The following ACVR1C variants were observed in gnomAD, a reference collection of about 807,000 sequenced individuals.
ACVR1C encodes activin A receptor type 1C, also known as activin receptor type-1C.
In ACVR1C, 23 loss-of-function variants were observed where a neutral mutation model predicts 57.9. The observed-to-expected ratio is 0.40, with a 90% CI of 0.29 to 0.56. The LOEUF is 0.56. ACVR1C is among the 20% of genes least tolerant of loss of function. The pLI, the probability that ACVR1C is intolerant of heterozygous loss-of-function variation, is 0.50. For missense variants in ACVR1C, 480 were observed against 607.9 expected (o/e 0.79, Z 2.21); for synonymous variants, 214 against 215.3 (o/e 0.99, Z 0.05).
chr2:157,621,235 T>C lies in ACVR1C; in HGVS notation c.73+7337A>G, dbSNP rs1682763679. Among the ~76,000 whole-genome samples the C allele has an allele frequency of 2.0e-5, 3 of 152,172 alleles. No individual in the cohort carries two copies. The East Asian group carries it at 5.8e-4, about 29-fold the overall frequency. On this transcript the variant is annotated intron_variant, in intron 1 of 8. Coordinates refer to ENST00000243349, the MANE Select transcript of ACVR1C (RefSeq NM_145259.3). Reference sequence around the variant, plus strand: ...AAAGACAGAAGAGAACAACAGAAAGTAGAAGCTATTCTAGAGGAAAAAAAG... The same window carrying C: ...AAAGACAGAAGAGAACAACAGAAAGCAGAAGCTATTCTAGAGGAAAAAAAG...
At chr2:157,596,187 GAA>G (rs1260403249) in intron 1 of ACVR1C, among the ~76,000 whole-genome samples, 11 of 152,182 alleles carry the variant, frequency 7.2e-5, no homozygotes, top group Non-Finnish European at 2.9e-5. Flanking sequence ...TTCTCAATTT[GAA>G]AGAGGTTTTT....
intron 1 of ACVR1C, among the ~76,000 whole-genome samples, chr2:157,622,514 GA>G (rs917115167): frequency 6.6e-5 from 10 of 152,176 alleles, no homozygotes; most frequent in Non-Finnish European, 1.5e-4. Flanking sequence ...ATACACTGGG[GA>G]AAGGATAGTC....
At chr2:157,542,999 C>G in intron 5 of ACVR1C, 137 bp from the exon 6 acceptor site, 2 of 789,368 alleles carry the variant, frequency 2.5e-6, no homozygotes, top group Non-Finnish European at 4.0e-6. Context: ...TCTAAATTAT[C>G]TTGTTTATTT....
intron 3 of ACVR1C, among the ~76,000 whole-genome samples, chr2:157,554,026 T>C (rs1687987790): frequency 6.6e-6 from 1 of 151,276 alleles, no homozygotes; most frequent in African/African-American, 2.4e-5. Flanking sequence ...CTGCTAAAAA[T>C]GCAAAAATTA....
At chr2:157,583,986 T>A (rs1020718856) in intron 2 of ACVR1C, among the ~76,000 whole-genome samples, 1 of 152,102 alleles carries the variant, frequency 6.6e-6, no homozygotes, top group Non-Finnish European at 1.5e-5. Context: ...TAGTAAACTA[T>A]CATAATTTTT....
chr2:157,625,033 A>T (rs1257137887), intron 1 of ACVR1C, among the ~76,000 whole-genome samples: 1 of 152,230 alleles, frequency 6.6e-6, no homozygotes, highest in Non-Finnish European at 1.5e-5. Flanking sequence ...GCGTCTTTGA[A>T]AAGTTATCAG....
At chr2:157,579,658 C>T (rs1165155020) in intron 2 of ACVR1C, among the ~76,000 whole-genome samples, 1 of 152,186 alleles carries the variant, frequency 6.6e-6, no homozygotes, top group African/African-American at 2.4e-5. Flanking sequence ...CTTATTCATA[C>T]TGCCTCACAT....
chr2:157,533,178 T>C lies in ACVR1C; in HGVS notation c.*740A>G, dbSNP rs1032523702. 1.3e-5 allele frequency: 2 copies of C among 152,308 alleles called. No individual in the cohort carries two copies. The highest frequency in any genetic ancestry group is 3.9e-4 in the East Asian group (2 of 5,190). 9.4% of individuals were successfully genotyped at this position (152,308 alleles called of 1,614,324 possible). Reference sequence around the variant, plus strand: ...CTAGCTAACCTTACGGTGTTCATTATCACAAGATTTGGACCTAGTGCCAGT... The same window carrying C: ...CTAGCTAACCTTACGGTGTTCATTACCACAAGATTTGGACCTAGTGCCAGT... On this transcript the variant is annotated 3_prime_UTR_variant, in exon 9 of 9. Coordinates refer to ENST00000243349, the MANE Select transcript of ACVR1C (RefSeq NM_145259.3).
chr2:157,573,938 T>G (rs1384098200), intron 2 of ACVR1C, among the ~76,000 whole-genome samples: 1 of 152,172 alleles, frequency 6.6e-6, no homozygotes, highest in Non-Finnish European at 1.5e-5. Flanking sequence ...AAAATATAAC[T>G]AAACTATTGA....
chr2:157,527,756 T>A lies in ACVR1C; in HGVS notation c.*6162A>T, dbSNP rs1687262353. The A allele has an allele frequency of 6.6e-6, 1 of 152,216 alleles. No homozygotes were observed. Among genetic ancestry groups the A allele is most frequent in the African/African-American group, 2.4e-5 (1 of 41,456 alleles). 9.4% of individuals were successfully genotyped at this position (152,216 alleles called of 1,614,324 possible). On this transcript the variant is annotated 3_prime_UTR_variant, in exon 9 of 9. Transcript: ENST00000243349. ...TGTCCTTAAAAATACTTAGTTACTA[T>A]TATTTAGCCTATGGAAGAAATAGAA...
At chr2:157,555,316 T>C (rs1688073889) in intron 3 of ACVR1C, among the ~76,000 whole-genome samples, 1 of 151,276 alleles carries the variant, frequency 6.6e-6, no homozygotes, top group Non-Finnish European at 1.5e-5. Context: ...AGACGGGGTT[T>C]CACCTTGTTA....
At chr2:157,589,840 A>G (rs894122409) in intron 1 of ACVR1C, among the ~76,000 whole-genome samples, 1 of 152,112 alleles carries the variant, frequency 6.6e-6, no homozygotes, top group African/African-American at 2.4e-5. Flanking sequence ...AGACACATAG[A>G]CCAATGAAAC....
chr2:157,545,735 AAT>A (rs1170462184), intron 4 of ACVR1C, among the ~76,000 whole-genome samples: 1 of 152,200 alleles, frequency 6.6e-6, no homozygotes. Context: ...AACCAAGGAT[AAT>A]ATGTCTTGTG....
intron 7 of ACVR1C, 59 bp downstream of exon 7, chr2:157,541,031 C>T: frequency 6.4e-7 from 1 of 1,556,434 alleles, no homozygotes; most frequent in Non-Finnish European, 8.7e-7. Context: ...TAGAATATCA[C>T]ATCTTGTATT....
intron 2 of ACVR1C, among the ~76,000 whole-genome samples, chr2:157,579,398 T>C (rs1255353983): frequency 6.6e-6 from 1 of 152,206 alleles, no homozygotes; most frequent in African/African-American, 2.4e-5. Context: ...ATCATTCTTA[T>C]GCTAATTGTT....
rs533305745 is a variant in ACVR1C at position 157,597,048 on chromosome 2, T to A, written c.74-9631A>T. ...GGGAAGGTTTCTTGGAGGTGAATCT[T>A]GAGAAGCACACCTGTTCAGCCTTCC... On this transcript the variant is annotated intron_variant, in intron 1 of 8. Coordinates refer to ENST00000243349, the MANE Select transcript of ACVR1C (RefSeq NM_145259.3). 3.3e-5 allele frequency among the ~76,000 whole-genome samples: 5 copies of A among 152,058 alleles called. No homozygotes were observed. In the South Asian group the frequency reaches 1.0e-3, roughly 32 times the overall value.
chr2:157,583,162 A>G lies in ACVR1C; in HGVS notation c.304+4025T>C, dbSNP rs75246451. Among the ~76,000 whole-genome samples the G allele has an allele frequency of 4.1e-3, 619 of 152,336 alleles. 1 individual carries two copies. The highest frequency in any genetic ancestry group is 0.01 in the Middle Eastern group (3 of 294). ...AGGCATGAGCCACTGCACCCAGCCT[A>G]TAAGTTATTTTCACAAGCTTTCAGG... On this transcript the variant is annotated intron_variant, in intron 2 of 8. Coordinates refer to ENST00000243349, the MANE Select transcript of ACVR1C (RefSeq NM_145259.3).
intron 2 of ACVR1C, among the ~76,000 whole-genome samples, chr2:157,578,099 C>T (rs1266827479): frequency 6.6e-6 from 1 of 152,034 alleles, no homozygotes; most frequent in Admixed American, 6.6e-5. Flanking sequence ...GAAGCAGGGT[C>T]TTGCCATGTT....
intron 8 of ACVR1C, among the ~76,000 whole-genome samples, chr2:157,537,508 TTG>T (rs1010855035): frequency 2.6e-5 from 4 of 152,022 alleles, no homozygotes; most frequent in Non-Finnish European, 4.4e-5. Flanking sequence ...AACACAAATC[TTG>T]TGTTTTGAAT....
Sources: allele counts gnomAD v4.1 joint callset (sites outside exome capture counted in the v4.1 genomes callset), GRCh38; gene constraint gnomAD v4.1.1; transcripts MANE v1.5; gene names NCBI Gene and HGNC (gene_info 2026-07-23, HGNC 2026-07-21).